Variants in SKP1 observed in about 807,000 individuals in gnomAD.
SKP1 encodes S-phase kinase-associated protein 1.
Under a neutral mutation model 21.5 loss-of-function variants are expected in SKP1, and 1 was observed. That is an observed-to-expected ratio of 0.05 (90% confidence interval 0.02 to 0.22). The LOEUF (loss-of-function observed/expected upper bound fraction) is 0.22, where lower values mean the gene tolerates loss of function less well. Among genes scored for constraint, SKP1 ranks in the 10% least tolerant of loss-of-function variants. SKP1 has a pLI of 1.00. For synonymous variants in SKP1, 59 were observed against 59.3 expected (o/e 0.99, Z 0.03); for missense variants, 70 against 192.0 (o/e 0.36, Z 3.76).
rs771842300 is a variant in SKP1, at chr5:134,148,937, C to T, written c.*8796G>A. 2.6e-5 allele frequency: 4 copies of T among 152,302 alleles called. No individual in the cohort carries two copies. Among genetic ancestry groups the T allele is most frequent in the East Asian group, 3.9e-4 (2 of 5,190 alleles). The allele number at this position is 152,302 out of a possible 1,614,324, so 9.4% of individuals were successfully genotyped here. A position where few individuals can be genotyped will look rare whatever the true frequency, so the allele number is the denominator to read the frequency against. ...TACCCACTTTTTAAAAAGTTACATA[C>T]GCTGTTGGTGGACACGACAGCCACC... is the stretch of plus-strand genomic sequence containing the variant. On this transcript the variant is annotated 3_prime_UTR_variant, in exon 6 of 6. Transcript: ENST00000353411.
intron 2 of SKP1, chr5:134,173,605 C>T: frequency 2.4e-6 from 1 of 421,380 alleles, no homozygotes; most frequent in South Asian, 1.8e-5. Context: ...TTCCAAAGAC[C>T]TTAATTTCTA....
intron 3 of SKP1, chr5:134,161,638 C>G (rs1031649010): frequency 6.6e-6 from 1 of 152,332 alleles, no homozygotes; most frequent in Non-Finnish European, 1.5e-5. Flanking sequence ...GGAAAGGAAA[C>G]ACAAACTCTT....
Position 134,167,218 on chromosome 5 carries a change from A to T in SKP1, c.123T>A (p.Asp41Glu), listed in dbSNP as rs1267596789. The T allele has an allele frequency of 6.2e-7, 1 of 1,600,048 alleles. No homozygotes were observed. The highest frequency in any genetic ancestry group is 8.6e-7 in the Non-Finnish European group (1 of 1,167,550). The change falls in exon 3 of 6, where the codon GAT (aspartate) becomes GAA (glutamate). Residue 41 changes from aspartate (D) to glutamate (E), a missense_variant. Physicochemically the swap from Asp to Glu is conservative, Grantham distance 45 (BLOSUM62 2). Around this residue, in one of 4 missense-constraint regions of SKP1, gnomAD observed 33 missense variants for 64.9 expected, o/e 0.51. Coordinates refer to ENST00000353411, the MANE Select transcript of SKP1 (RefSeq NM_170679.3). ...LEDLGMDDEG[D>E]DDPVPLPNVN... is the part of the protein sequence containing the mutation. ...CATTTGGTAGAGGAACTGGGTCATC[A>T]TCTCCTTCATCATCCATTCCCAAAT...
intron 2 of SKP1, among the ~76,000 whole-genome samples, chr5:134,169,797 C>T (rs1171818116): frequency 2.6e-5 from 4 of 152,162 alleles, no homozygotes; most frequent in African/African-American, 9.7e-5. Context: ...GTCAGGGGTT[C>T]GAGACCAGCC....
chr5:134,174,590 T>C (rs867605289), intron 1 of SKP1: 2 of 488,910 alleles, frequency 4.1e-6, no homozygotes, highest in African/African-American at 2.1e-5. Flanking sequence ...ATTCCCTAAA[T>C]CTACTTAAAA....
intron 2 of SKP1, among the ~76,000 whole-genome samples, chr5:134,171,831 G>A (rs1038519549): frequency 6.6e-6 from 1 of 152,144 alleles, no homozygotes; most frequent in African/African-American, 2.4e-5. Flanking sequence ...GATCACCTGA[G>A]GTCAGGAGTT....
intron 1 of SKP1, chr5:134,174,753 A>G (rs1761505855): frequency 6.6e-6 from 1 of 152,038 alleles, no homozygotes; most frequent in Admixed American, 6.6e-5. Context: ...TAGGAAAAAG[A>G]TATAATCTTA....
Position 134,167,343 on chromosome 5 carries a change from T to C in SKP1, c.98-100A>G, listed in dbSNP as rs1027482683. On this transcript the variant is annotated intron_variant, in intron 2 of 5. Coordinates refer to ENST00000353411, the MANE Select transcript of SKP1 (RefSeq NM_170679.3). ...ACATAAGAGTCAGCCCCCATATCCATGAGTTCTACATCTGTGGATTCAACC... is the reference window on the plus strand; with the variant it reads ...ACATAAGAGTCAGCCCCCATATCCACGAGTTCTACATCTGTGGATTCAACC... The C allele has an allele frequency of 9.2e-6, 7 of 761,708 alleles. No homozygotes were observed. In the African/African-American group the frequency reaches 1.2e-4, roughly 13 times the overall value. 47.2% of individuals were successfully genotyped at this position (761,708 alleles called of 1,614,324 possible). A position where few individuals can be genotyped will look rare whatever the true frequency, so the allele number is the denominator to read the frequency against.
Position 134,154,977 on chromosome 5 carries a change from T to C in SKP1, c.*2756A>G, listed in dbSNP as rs1761100709. 6.6e-6 allele frequency: 1 copy of C among 152,230 alleles called. No individual in the cohort carries two copies. The highest frequency in any genetic ancestry group is 2.4e-5 in the African/African-American group (1 of 41,458). The allele number at this position is 152,230 out of a possible 1,614,324, so 9.4% of individuals were successfully genotyped here. On this transcript the variant is annotated 3_prime_UTR_variant, in exon 6 of 6. Coordinates refer to ENST00000353411, the MANE Select transcript of SKP1 (RefSeq NM_170679.3). Reference sequence around the variant, plus strand: ...CTGTACCTGCATTTCACAAGGACTTTTCACTTCTGTTACTTATACTGAAAT... The same window carrying C: ...CTGTACCTGCATTTCACAAGGACTTCTCACTTCTGTTACTTATACTGAAAT...
chr5:134,163,212 CAAAAA>C (rs747546593), intron 3 of SKP1, among the ~76,000 whole-genome samples: 2 of 70,108 alleles, frequency 2.9e-5, no homozygotes, highest in African/African-American at 6.9e-5. Context: ...GCGATTCTGT[CAAAAA>C]AAAAAAAAAA....
intron 1 of SKP1, among the ~76,000 whole-genome samples, chr5:134,176,277 A>G (rs1481823708): frequency 6.6e-6 from 1 of 152,210 alleles, no homozygotes; most frequent in Non-Finnish European, 1.5e-5. Flanking sequence ...TATGTGCAGA[A>G]AGCCGGCGCC....
rs1395830252 is a variant in SKP1 at position 134,153,836 on chromosome 5, GACTC to G, written c.*3893_*3896del. Reference sequence around the variant, plus strand: ...CTGCCCTAAGTGAGATGCCCACAGTGACTCACTGTTACTATCCTCCCTCCCCAGC... The same window carrying G: ...CTGCCCTAAGTGAGATGCCCACAGTGACTGTTACTATCCTCCCTCCCCAGC... On this transcript the variant is annotated 3_prime_UTR_variant, in exon 6 of 6. Transcript: ENST00000353411. 1 of 152,188 alleles carries G rather than the reference GACTC, an allele frequency of 6.6e-6. No homozygotes were observed. The highest frequency in any genetic ancestry group is 1.5e-5 in the Non-Finnish European group (1 of 68,036). 9.4% of individuals were successfully genotyped at this position (152,188 alleles called of 1,614,324 possible).
At chr5:134,172,537 G>A (rs948302168) in intron 2 of SKP1, among the ~76,000 whole-genome samples, 2 of 149,684 alleles carry the variant, frequency 1.3e-5, no homozygotes, top group African/African-American at 5.0e-5. Context: ...TAGTTTCAGA[G>A]GAATGACAAA....
intron 2 of SKP1, among the ~76,000 whole-genome samples, chr5:134,168,239 C>G (rs755251437): frequency 1.3e-5 from 2 of 152,148 alleles, no homozygotes; most frequent in Non-Finnish European, 2.9e-5. Flanking sequence ...CCCTTTATAT[C>G]AAATTCTCCA....
intron 3 of SKP1, among the ~76,000 whole-genome samples, chr5:134,165,233 T>C (rs1761306053): frequency 6.6e-6 from 1 of 152,174 alleles, no homozygotes; most frequent in South Asian, 2.1e-4. Context: ...AAATGATCAA[T>C]GTTATGTATA....
intron 3 of SKP1, among the ~76,000 whole-genome samples, chr5:134,163,877 C>T (rs573814014): frequency 3.3e-4 from 50 of 152,250 alleles, no homozygotes; most frequent in Admixed American, 2.9e-3. Context: ...AACCCTTTAA[C>T]TCTGACCTTA....
At chr5:134,171,059 T>G (rs1165731706) in intron 2 of SKP1, 1 of 455,544 alleles carries the variant, frequency 2.2e-6, no homozygotes, top group African/African-American at 2.0e-5. Flanking sequence ...TACCAAGGAG[T>G]TTACAACTTA....
chr5:134,176,102 A>T (rs1761538895), intron 1 of SKP1, among the ~76,000 whole-genome samples: 2 of 152,202 alleles, frequency 1.3e-5, no homozygotes, highest in South Asian at 4.1e-4. Context: ...TTAAAAGTGA[A>T]TCAAAGCAGG....
chr5:134,160,932 A>G (rs1240021102), intron 4 of SKP1, 55 bp downstream of exon 4: 72 of 1,262,098 alleles, frequency 5.7e-5, no homozygotes, highest in Middle Eastern at 2.8e-4. Flanking sequence ...ATTTAAATCT[A>G]TAAGAAGTGT....
Sources: gnomAD v4.1 joint callset for allele counts (sites outside exome capture counted in the v4.1 genomes callset) on GRCh38, gnomAD v4.1.1 for gene constraint, gnomAD v4.1.1 regional missense constraint, MANE v1.5 for transcripts, NCBI Gene and HGNC (gene_info 2026-07-23, HGNC 2026-07-21) for gene names.